Variants in SMUG1 observed in about 807,000 individuals in gnomAD.
The protein encoded by SMUG1 is single-strand-selective monofunctional uracil-DNA glycosylase 1.
SMUG1 carries 13 observed loss-of-function variants against 23.9 expected under a neutral mutation model. That is an observed-to-expected ratio of 0.54 (90% CI 0.35 to 0.86). The LOEUF (loss-of-function observed/expected upper bound fraction) is 0.86, where lower values mean the gene tolerates loss of function less well. SMUG1 is among the 40% of genes least tolerant of loss of function. The probability of loss-of-function intolerance (pLI) is 0.01; values close to 1 mark genes in which losing one functional copy is unlikely to be tolerated. For synonymous variants in SMUG1, 133 were observed against 139.8 expected (o/e 0.95, Z 0.34); for missense variants, 313 against 339.5 (o/e 0.92, Z 0.61).
At chr12:54,172,374 A>C (rs74900376) in intron 2 of SMUG1, 3,617 of 257,198 alleles carry the variant, frequency 0.014, 144 homozygotes, top group African/African-American at 0.074. Context: ...GGAAACTCTT[A>C]CCCGGAAATC....
intron 2 of SMUG1, among the ~76,000 whole-genome samples, chr12:54,184,674 G>A (rs1941910591): frequency 6.6e-6 from 1 of 152,134 alleles, no homozygotes; most frequent in African/African-American, 2.4e-5. Flanking sequence ...ACGCCATCTT[G>A]CCTTAGATGG....
intron 3 of SMUG1, among the ~76,000 whole-genome samples, chr12:54,166,347 C>T (rs1290099413): frequency 2.6e-5 from 4 of 152,026 alleles, no homozygotes; most frequent in East Asian, 3.8e-4. Context: ...TGCAACAGAG[C>T]GAGACTGTGT....
At chr12:54,165,451 A>G (rs1003737968) in exon 4 of SMUG1, 15 of 152,218 alleles carry the variant, frequency 9.9e-5, no homozygotes, top group East Asian at 3.8e-4. Flanking sequence ...GCAAGAGGAT[A>G]GCTTCAGCCC....
At position 54,181,639 on chromosome 12, in the gene SMUG1, T is replaced by TCTTG; in HGVS notation, c.*453_*456dup. The TCTTG allele has an allele frequency of 3.1e-6, 5 of 1,589,250 alleles. No homozygotes were observed. Among genetic ancestry groups the TCTTG allele is most frequent in the Non-Finnish European group, 4.3e-6 (5 of 1,175,372 alleles). On this transcript the variant is annotated 3_prime_UTR_variant, in exon 4 of 4. Transcript: ENST00000682136. ...TCTTAATTTCATGTCCCATGCTTTG[T>TCTTG]CTTGGTCCCTGTGAGGAAAGGGGTC... is the stretch of plus-strand genomic sequence containing the variant.
Position 54,165,829 on chromosome 12 carries a change from C to T in SMUG1, c.*53-351G>A, listed in dbSNP as rs562231820. 1.2e-3 allele frequency among the ~76,000 whole-genome samples: 189 copies of T among 152,276 alleles called. 4 individuals are homozygous for T. In the South Asian group the frequency reaches 0.038, roughly 31 times the overall value. ...TACTGCAGAGGAACCCAAAACTTAG[C>T]CCTCAGCTTCCTAGATGAAACCAGG... On this transcript the variant is annotated intron_variant and NMD_transcript_variant, in intron 3 of 4. Coordinates refer to the SMUG1 transcript ENST00000509864.
intron 3 of SMUG1, among the ~76,000 whole-genome samples, chr12:54,170,410 T>C (rs942629178): frequency 1.3e-5 from 2 of 151,960 alleles, no homozygotes; most frequent in Non-Finnish European, 2.9e-5. Flanking sequence ...GTGTGGTGTT[T>C]GGAGGGGAAT....
intron 3 of SMUG1, among the ~76,000 whole-genome samples, chr12:54,170,304 GCT>G (rs1940583775): frequency 6.6e-6 from 1 of 152,144 alleles, no homozygotes; most frequent in Non-Finnish European, 1.5e-5. Context: ...TCTAGCCGCA[GCT>G]CTCTTTCCCT....
intron 3 of SMUG1, 38 bp downstream of exon 3, chr12:54,183,618 C>A (rs766251222): frequency 1.9e-6 from 3 of 1,605,360 alleles, no homozygotes; most frequent in Non-Finnish European, 2.6e-6. Flanking sequence ...CCACCTAGAA[C>A]CCCCCACTCC....
chr12:54,188,306 AT>A (rs985423155), intron 1 of SMUG1, among the ~76,000 whole-genome samples: 1 of 135,736 alleles, frequency 7.4e-6, no homozygotes, highest in Non-Finnish European at 1.5e-5. Context: ...AATAATAATA[AT>A]AATAATAATA....
intron 2 of SMUG1, among the ~76,000 whole-genome samples, chr12:54,173,575 T>G (rs1218165595): frequency 2.0e-5 from 3 of 152,060 alleles, no homozygotes; most frequent in Non-Finnish European, 4.4e-5. Context: ...CCGAGCCCGC[T>G]CCAATCTCCA....
At chr12:54,170,569 T>C (rs1355620425) in intron 3 of SMUG1, among the ~76,000 whole-genome samples, 1 of 148,880 alleles carries the variant, frequency 6.7e-6, no homozygotes, top group Non-Finnish European at 1.5e-5. Flanking sequence ...TGTCTCAGCA[T>C]TTTTTTTTTG....
At position 54,182,154 on chromosome 12, in the gene SMUG1, T is replaced by C; in HGVS notation, c.755A>G (p.Glu252Gly). The part of the protein sequence containing the change: ...PRNPQANKGW[E>G]AVAKERLNEL... Reference sequence around the variant, plus strand: ...ATTCAATCTTTCCTTGGCCACTGCCTCCCAGCCCTTGTTGGCCTGTGGGTT... The same window carrying C: ...ATTCAATCTTTCCTTGGCCACTGCCCCCCAGCCCTTGTTGGCCTGTGGGTT... The change falls in exon 4 of 4, where the codon GAG becomes GGG. Residue 252 changes from glutamate to glycine, a missense_variant. Glu to Gly is a moderately conservative substitution (Grantham distance 98, BLOSUM62 -2). Transcript: ENST00000682136. The C allele has an allele frequency of 1.3e-6, 2 of 1,593,750 alleles. No homozygotes were observed. The highest frequency in any genetic ancestry group is 1.1e-5 in the South Asian group (1 of 88,002).
At chr12:54,185,477 T>A (rs140678595) in intron 2 of SMUG1, among the ~76,000 whole-genome samples, 4,776 of 54,884 alleles carry the variant, frequency 0.087, 1,333 homozygotes, top group Non-Finnish European at 0.13. Flanking sequence ...CAAAAAAAAA[T>A]AAAATAAAAA....
chr12:54,186,714 AC>A (rs1942568933), intron 2 of SMUG1: 1 of 152,150 alleles, frequency 6.6e-6, no homozygotes, highest in Non-Finnish European at 1.5e-5. Flanking sequence ...ACTGTGTGTC[AC>A]CATGGTTACC....
Position 54,181,392 on chromosome 12 carries a change from G to C in SMUG1, c.*704C>G, listed in dbSNP as rs1374487583. 4 of 663,696 alleles carry C rather than the reference G, an allele frequency of 6.0e-6. No individual in the cohort carries two copies. The Admixed American group carries it at 1.1e-4, about 18-fold the overall frequency. 41.1% of individuals were successfully genotyped at this position (663,696 alleles called of 1,614,324 possible). ...GCACCCACATGCCAAGCCCATGCAAGGCACTTTCAAGTGTGATCTCAGTTA... is the reference window on the plus strand; with the variant it reads ...GCACCCACATGCCAAGCCCATGCAACGCACTTTCAAGTGTGATCTCAGTTA... On this transcript the variant is annotated 3_prime_UTR_variant, in exon 4 of 4. Transcript: ENST00000682136.
chr12:54,165,195 C>A (rs1220443012), intron 4 of SMUG1, among the ~76,000 whole-genome samples: 1 of 152,218 alleles, frequency 6.6e-6, no homozygotes, highest in Non-Finnish European at 1.5e-5. Context: ...CTCATGGCAA[C>A]CCCTCCAACC....
At chr12:54,167,136 G>A (rs34097309) in intron 3 of SMUG1, among the ~76,000 whole-genome samples, 2,602 of 152,238 alleles carry the variant, frequency 0.017, 29 homozygotes, top group Non-Finnish European at 0.024. Context: ...ACATTCCTAG[G>A]CAGCTGGGTC....
At chr12:54,179,681 C>T (rs947072613), downstream of SMUG1, among the ~76,000 whole-genome samples, 1 of 152,056 alleles carries the variant, frequency 6.6e-6, no homozygotes, top group South Asian at 2.1e-4. Flanking sequence ...ATGTCAGTTG[C>T]GAGCTTGAGG....
chr12:54,162,078 C>G (rs1018164451), downstream of SMUG1: 2 of 152,664 alleles, frequency 1.3e-5, no homozygotes, highest in African/African-American at 4.8e-5. Context: ...CAGGGGAGAA[C>G]ATGGCAAAGA....
Sources: allele counts gnomAD v4.1 joint callset (sites outside exome capture counted in the v4.1 genomes callset), GRCh38; gene constraint gnomAD v4.1.1; transcripts MANE v1.5; gene names NCBI Gene and HGNC (gene_info 2026-07-23, HGNC 2026-07-21).